The following RBFOX1 variants were observed in gnomAD, a reference collection of about 807,000 sequenced individuals.
RBFOX1 encodes RNA binding protein fox-1 homolog 1.
A neutral mutation model predicts 57.7 loss-of-function variants in RBFOX1; 8 were observed. That is an observed-to-expected ratio of 0.14 (90% CI 0.08 to 0.25). The LOEUF is 0.25. Among genes scored for constraint, RBFOX1 ranks in the 10% least tolerant of loss-of-function variants. The pLI is 1.00. For synonymous variants in RBFOX1, 326 were observed against 222.4 expected (o/e 1.47, Z -4.15); for missense variants, 611 against 548.5 (o/e 1.11, Z -1.14).
rs1359424859 is a variant in RBFOX1 at position 7,579,764 on chromosome 16, C to T, written c.271-13C>T. 6.2e-6 allele frequency: 10 copies of T among 1,613,886 alleles called. 1 individual carries two copies. Among genetic ancestry groups the T allele is most frequent in the Middle Eastern group, 1.6e-4 (1 of 6,080 alleles). On this transcript the variant is annotated splice_polypyrimidine_tract_variant and intron_variant, in intron 5 of 15. Coordinates refer to ENST00000550418, the MANE Select transcript of RBFOX1 (RefSeq NM_018723.4). The stretch of plus-strand genomic sequence containing the variant: ...CCACTGAGAACCTCTTCGGTTTCTT[C>T]TTGTTCTTTTAGCAGACAGATGACG...
chr16:7,199,290 A>G (rs2087652652), intron 4 of RBFOX1, among the ~76,000 whole-genome samples: 1 of 152,062 alleles, frequency 6.6e-6, no homozygotes, highest in Non-Finnish European at 1.5e-5. Context: ...GTGCCCTTTT[A>G]TGTTTAATAA....
intron 2 of RBFOX1, among the ~76,000 whole-genome samples, chr16:6,497,528 G>A (rs1420721100): frequency 6.6e-6 from 1 of 151,138 alleles, no homozygotes. Flanking sequence ...ATAACCTCCA[G>A]TATAAATCCT....
chr16:5,249,551 C>G (rs1264672941), intron 1 of RBFOX1, among the ~76,000 whole-genome samples: 1 of 152,252 alleles, frequency 6.6e-6, no homozygotes, highest in African/African-American at 2.4e-5. Flanking sequence ...TGCCTTCTGC[C>G]TTTCCTGCCT....
At chr16:6,105,997 C>CT (rs961371134) in intron 1 of RBFOX1, among the ~76,000 whole-genome samples, 74 of 149,532 alleles carry the variant, frequency 4.9e-4, no homozygotes, top group Admixed American at 2.0e-3. Flanking sequence ...TTGCTTTAGT[C>CT]TTTTTTTTTT....
intron 2 of RBFOX1, among the ~76,000 whole-genome samples, chr16:6,438,950 C>T (rs2094307284): frequency 6.6e-6 from 1 of 152,188 alleles, no homozygotes; most frequent in African/African-American, 2.4e-5. Flanking sequence ...TAGTGTATGA[C>T]ATCTTCCTTT....
chr16:7,565,487 A>G (rs552730252), intron 5 of RBFOX1, among the ~76,000 whole-genome samples: 8 of 152,288 alleles, frequency 5.3e-5, no homozygotes, highest in Admixed American at 3.3e-4. Context: ...CTGCCCTGCT[A>G]TTCTCTGCAG....
intron 3 of RBFOX1, among the ~76,000 whole-genome samples, chr16:5,623,682 A>G (rs929684145): frequency 6.7e-6 from 1 of 149,322 alleles, no homozygotes; most frequent in African/African-American, 2.5e-5. Flanking sequence ...TCTTCTCCCT[A>G]CCTCCTTCCC....
chr16:5,416,171 T>G (rs2067155570), intron 1 of RBFOX1, among the ~76,000 whole-genome samples: 1 of 152,180 alleles, frequency 6.6e-6, no homozygotes, highest in Non-Finnish European at 1.5e-5. Context: ...TCTCATTTAA[T>G]CCTCACAGCG....
At chr16:6,576,112 T>C (rs2097431661) in intron 2 of RBFOX1, among the ~76,000 whole-genome samples, 1 of 152,196 alleles carries the variant, frequency 6.6e-6, no homozygotes, top group South Asian at 2.1e-4. Flanking sequence ...TTGTGCACTT[T>C]TATGATTAGC....
At chr16:7,536,355 A>C (rs2081464803) in intron 5 of RBFOX1, among the ~76,000 whole-genome samples, 1 of 152,216 alleles carries the variant, frequency 6.6e-6, no homozygotes, top group African/African-American at 2.4e-5. Context: ...GTACTTTGGG[A>C]GGCCAAGGTG....
At chr16:7,335,808 G>A (rs1177938827) in intron 4 of RBFOX1, among the ~76,000 whole-genome samples, 1 of 152,044 alleles carries the variant, frequency 6.6e-6, no homozygotes, top group East Asian at 1.9e-4. Context: ...TTATCATATT[G>A]GATCTCCTGA....
chr16:6,024,592 G>A (rs1040336619), intron 1 of RBFOX1, among the ~76,000 whole-genome samples: 1 of 152,150 alleles, frequency 6.6e-6, no homozygotes, highest in Non-Finnish European at 1.5e-5. Context: ...GGGTACAAGT[G>A]ATTATTATGC....
intron 2 of RBFOX1, among the ~76,000 whole-genome samples, chr16:6,629,223 G>A (rs1055060137): frequency 3.9e-5 from 6 of 152,116 alleles, no homozygotes; most frequent in Non-Finnish European, 8.8e-5. Context: ...TCTGTATTTG[G>A]CAATTACAGG....
Position 7,712,874 on chromosome 16 carries a change from C to T in RBFOX1, c.*2129C>T, listed in dbSNP as rs1370871898. 6.6e-6 allele frequency: 1 copy of T among 152,218 alleles called. No homozygotes were observed. The highest frequency in any genetic ancestry group is 6.5e-5 in the Admixed American group (1 of 15,280). The allele number at this position is 152,218 out of a possible 1,614,324, so 9.4% of individuals were successfully genotyped here. On this transcript the variant is annotated 3_prime_UTR_variant, in exon 16 of 16. Coordinates refer to ENST00000550418, the MANE Select transcript of RBFOX1 (RefSeq NM_018723.4). ...TTTGTATTGTGTTTCGAATCACAAA[C>T]ATAGAATTCTTACTGTGTTGGTTAA...
chr16:6,015,384 G>T (rs547332653), upstream of RBFOX1, among the ~76,000 whole-genome samples: 3 of 152,302 alleles, frequency 2.0e-5, no homozygotes, highest in African/African-American at 7.2e-5. Flanking sequence ...ATCAGTGAAG[G>T]CAGAGTGAAG....
intron 4 of RBFOX1, among the ~76,000 whole-genome samples, chr16:7,447,390 G>C (rs1201538926): frequency 7.1e-6 from 1 of 141,170 alleles, no homozygotes; most frequent in African/African-American, 2.6e-5. Flanking sequence ...CTGAGATCAT[G>C]CCACTGCACT....
At chr16:6,590,100 T>C (rs1460320603) in intron 2 of RBFOX1, among the ~76,000 whole-genome samples, 1 of 152,210 alleles carries the variant, frequency 6.6e-6, no homozygotes, top group South Asian at 2.1e-4. Flanking sequence ...AGAAGAATGA[T>C]AGCGTTTTGT....
At chr16:7,500,629 T>G (rs2070441314) in intron 4 of RBFOX1, among the ~76,000 whole-genome samples, 1 of 152,224 alleles carries the variant, frequency 6.6e-6, no homozygotes, top group Non-Finnish European at 1.5e-5. Context: ...TAGATATGAT[T>G]TGGGCATTTC....
intron 13 of RBFOX1, among the ~76,000 whole-genome samples, chr16:7,675,974 C>A (rs1197630826): frequency 1.3e-5 from 2 of 152,182 alleles, no homozygotes; most frequent in Admixed American, 1.3e-4. Context: ...AACACAATTC[C>A]TTTTGAATAT....
Sources: gnomAD v4.1 joint callset for allele counts (sites outside exome capture counted in the v4.1 genomes callset) on GRCh38, gnomAD v4.1.1 for gene constraint, MANE v1.5 for transcripts, NCBI Gene and HGNC (gene_info 2026-07-23, HGNC 2026-07-21) for gene names.